MGAT4C: variants seen among roughly 807,000 people sequenced by gnomAD.
MGAT4C encodes the protein alpha-1,3-mannosyl-glycoprotein 4-beta-N-acetylglucosaminyltransferase C.
A neutral mutation model predicts 40.1 loss-of-function variants in MGAT4C; 19 were observed. That is an observed-to-expected ratio of 0.47 (90% CI 0.33 to 0.70). MGAT4C has a LOEUF of 0.70. Among genes scored for constraint, MGAT4C ranks in the 30% least tolerant of loss-of-function variants. The probability of loss-of-function intolerance (pLI) is 0.02; values close to 1 mark genes in which losing one functional copy is unlikely to be tolerated. For synonymous variants in MGAT4C, 181 were observed against 187.1 expected, an observed-to-expected ratio of 0.97 and a Z score of 0.27; for missense variants, 491 against 563.2, an observed-to-expected ratio of 0.87 and a Z score of 1.30.
At chr12:85,991,204 C>T (rs532283102) in intron 2 of MGAT4C, among the ~76,000 whole-genome samples, 2 of 152,280 alleles carry the variant, frequency 1.3e-5, no homozygotes, top group African/African-American at 2.4e-5. Context: ...GGTTGATCCA[C>T]CCTCTTCTCA....
intron 2 of MGAT4C, among the ~76,000 whole-genome samples, chr12:86,487,312 T>C (rs1310448466): frequency 1.3e-5 from 2 of 152,198 alleles, no homozygotes; most frequent in African/African-American, 4.8e-5. Context: ...TTGATACATG[T>C]ATTCTTTCCT....
At chr12:86,375,452 G>A (rs1483902526) in intron 3 of MGAT4C, among the ~76,000 whole-genome samples, 1 of 151,952 alleles carries the variant, frequency 6.6e-6, no homozygotes, top group East Asian at 1.9e-4. Flanking sequence ...ATTGTAATTG[G>A]TCTTAATCAT....
chr12:86,378,833 T>A (rs182488432), intron 3 of MGAT4C, among the ~76,000 whole-genome samples: 1 of 152,120 alleles, frequency 6.6e-6, no homozygotes, highest in Non-Finnish European at 1.5e-5. Flanking sequence ...AGTCTTAAAA[T>A]GAAGTCCCAG....
intron 1 of MGAT4C, among the ~76,000 whole-genome samples, chr12:86,107,023 C>A (rs1038715137): frequency 6.6e-6 from 1 of 152,066 alleles, no homozygotes; most frequent in African/African-American, 2.4e-5. Flanking sequence ...GTCTACTAAG[C>A]CCTCAAGATT....
chr12:86,003,588 T>C (rs1266873900), intron 2 of MGAT4C, among the ~76,000 whole-genome samples: 1 of 152,200 alleles, frequency 6.6e-6, no homozygotes, highest in Non-Finnish European at 1.5e-5. Context: ...ATTGAGATTA[T>C]GGCTAGCTTT....
rs557670258 is a variant in MGAT4C at position 86,031,947 on chromosome 12, T to C, written c.-7+17727A>G. On this transcript the variant is annotated intron_variant, in intron 2 of 4. Transcript: ENST00000611864. ...TACACCTCAAGTGGGCCCTAGTGTCTGTTGTTCTCTTATCTGTGTCCATAT... is the reference window on the plus strand; with the variant it reads ...TACACCTCAAGTGGGCCCTAGTGTCCGTTGTTCTCTTATCTGTGTCCATAT... Among the ~76,000 whole-genome samples the C allele has an allele frequency of 5.3e-5, 8 of 152,038 alleles. 1 individual carries two copies. In the East Asian group the frequency reaches 1.5e-3, roughly 29 times the overall value.
chr12:85,983,748 A>C, intron 3 of MGAT4C, 78 bp from the exon 4 acceptor site: 1 of 1,205,960 alleles, frequency 8.3e-7, no homozygotes, highest in Non-Finnish European at 1.1e-6. Context: ...TTTTTTACAC[A>C]ATAAATGTAC....
chr12:86,708,924 TGA>T (rs1950510265), intron 2 of MGAT4C, among the ~76,000 whole-genome samples: 1 of 152,324 alleles, frequency 6.6e-6, no homozygotes, highest in East Asian at 1.9e-4. Flanking sequence ...TTATCTCAGA[TGA>T]GAGACATTGG....
intron 1 of MGAT4C, among the ~76,000 whole-genome samples, chr12:86,812,033 AT>A (rs1469888145): frequency 6.6e-6 from 1 of 152,240 alleles, no homozygotes; most frequent in Admixed American, 6.5e-5. Flanking sequence ...TCTAGTCTAC[AT>A]TTTTTAAAAT....
At chr12:86,719,027 T>C (rs925386049) in intron 2 of MGAT4C, among the ~76,000 whole-genome samples, 1 of 152,200 alleles carries the variant, frequency 6.6e-6, no homozygotes, top group African/African-American at 2.4e-5. Flanking sequence ...AATGTTTCTC[T>C]AAAGTTGCAC....
chr12:86,536,986 A>G (rs1255128299), intron 2 of MGAT4C, among the ~76,000 whole-genome samples: 2 of 152,246 alleles, frequency 1.3e-5, no homozygotes, highest in Non-Finnish European at 2.9e-5. Flanking sequence ...CAACAATGAC[A>G]GATGGGATTA....
rs543750488 is a variant in MGAT4C at position 86,473,835 on chromosome 12, C to G, written c.-228-38570G>C. On this transcript the variant is annotated intron_variant, in intron 2 of 7. Coordinates refer to the MGAT4C transcript ENST00000548651. ...TAATTGCAAGTGGGAGAGAATCGGG[C>G]CTTTTTAGGTCAAATATACTTGAGA... Among the ~76,000 whole-genome samples, 9 of 152,068 alleles carry G rather than the reference C, an allele frequency of 5.9e-5. 1 individual carries two copies. The South Asian group carries it at 1.9e-3, about 32-fold the overall frequency.
chr12:86,675,957 A>G (rs193140772), intron 2 of MGAT4C, among the ~76,000 whole-genome samples: 7 of 106,442 alleles, frequency 6.6e-5, no homozygotes, highest in Admixed American at 1.2e-4. Flanking sequence ...CTCATTAATC[A>G]CAAAGATAAA....
At chr12:86,563,144 C>G (rs1262766417) in intron 2 of MGAT4C, among the ~76,000 whole-genome samples, 3 of 152,314 alleles carry the variant, frequency 2.0e-5, no homozygotes, top group African/African-American at 7.2e-5. Flanking sequence ...GGAACACTTG[C>G]ATCCCTGAAG....
chr12:86,226,639 T>G (rs905510003), intron 1 of MGAT4C, among the ~76,000 whole-genome samples: 1 of 151,906 alleles, frequency 6.6e-6, no homozygotes, highest in Non-Finnish European at 1.5e-5. Flanking sequence ...CTAACCTACA[T>G]TCATAGTCAG....
intron 2 of MGAT4C, among the ~76,000 whole-genome samples, chr12:86,673,336 C>T (rs1399774586): frequency 6.6e-6 from 1 of 152,120 alleles, no homozygotes; most frequent in Non-Finnish European, 1.5e-5. Context: ...TATATACTAA[C>T]ACAAAGTAAG....
At chr12:86,344,493 CA>C (rs1954973934) in intron 3 of MGAT4C, among the ~76,000 whole-genome samples, 1 of 152,070 alleles carries the variant, frequency 6.6e-6, no homozygotes, top group Admixed American at 6.6e-5. Flanking sequence ...AAAATTTTGT[CA>C]AACATTGTTA....
At chr12:86,108,738 A>C (rs1293601483) in intron 1 of MGAT4C, among the ~76,000 whole-genome samples, 2 of 152,158 alleles carry the variant, frequency 1.3e-5, no homozygotes, top group Non-Finnish European at 2.9e-5. Context: ...TGAGGCATGG[A>C]TGTTTCATTC....
chr12:86,630,753 C>A (rs190245000), intron 2 of MGAT4C, among the ~76,000 whole-genome samples: 1 of 152,208 alleles, frequency 6.6e-6, no homozygotes, highest in African/African-American at 2.4e-5. Flanking sequence ...GATTGTATCT[C>A]AAAATAATAA....
Sources: gnomAD v4.1 joint callset for allele counts (sites outside exome capture counted in the v4.1 genomes callset) on GRCh38, gnomAD v4.1.1 for gene constraint, MANE v1.5 for transcripts, NCBI Gene and HGNC (gene_info 2026-07-23, HGNC 2026-07-21) for gene names.